The following DPP10 variants were observed in gnomAD, a reference collection of about 807,000 sequenced individuals.
The protein encoded by DPP10 is inactive dipeptidyl peptidase 10.
Under a neutral mutation model 120.9 loss-of-function variants are expected in DPP10, and 33 were observed. The ratio of observed to expected loss-of-function variants is 0.27; its 90% CI spans 0.21 to 0.37. The LOEUF is 0.37. DPP10 is among the 10% of genes least tolerant of loss of function. DPP10 has a pLI of 1.00. For missense variants in DPP10, 816 were observed against 942.8 expected, an observed-to-expected ratio of 0.87 and a Z score of 1.76; for synonymous variants, 337 against 326.1, an observed-to-expected ratio of 1.03 and a Z score of -0.36.
chr2:114,913,846 G>T (rs923523048), intron 1 of DPP10, among the ~76,000 whole-genome samples: 16 of 152,102 alleles, frequency 1.1e-4, no homozygotes, highest in Non-Finnish European at 1.9e-4. Context: ...AGCAACACAA[G>T]AGCTGAACGA....
chr2:115,715,708 C>T (rs954557550), intron 7 of DPP10, among the ~76,000 whole-genome samples: 10 of 152,220 alleles, frequency 6.6e-5, no homozygotes, highest in Non-Finnish European at 1.2e-4. Flanking sequence ...CGTGCATACC[C>T]GCACAATTGT....
intron 1 of DPP10, among the ~76,000 whole-genome samples, chr2:114,590,533 A>G (rs1451161130): frequency 6.6e-6 from 1 of 152,224 alleles, no homozygotes; most frequent in African/African-American, 2.4e-5. Flanking sequence ...CATTTTCTCA[A>G]TCACTTTCTT....
At chr2:114,460,164 G>T (rs1430728906) in intron 1 of DPP10, among the ~76,000 whole-genome samples, 1 of 146,186 alleles carries the variant, frequency 6.8e-6, no homozygotes, top group Non-Finnish European at 1.5e-5. Flanking sequence ...AATGCATTTG[G>T]GATGATATCT....
chr2:114,466,302 T>C (rs553157951), intron 1 of DPP10, among the ~76,000 whole-genome samples: 1 of 152,328 alleles, frequency 6.6e-6, no homozygotes, highest in South Asian at 2.1e-4. Flanking sequence ...ATATATGTAT[T>C]TATGTGGTTT....
chr2:115,720,764 T>A lies in DPP10; in HGVS notation c.577-7052T>A, dbSNP rs188883809. On this transcript the variant is annotated intron_variant, in intron 7 of 25. Transcript: ENST00000410059. Reference sequence around the variant, plus strand: ...AATTAAAAGACAAATATTTAGTTTATTCTAAGATGTGTTCTTAAAGACATT... The same window carrying A: ...AATTAAAAGACAAATATTTAGTTTAATCTAAGATGTGTTCTTAAAGACATT... Among the ~76,000 whole-genome samples the A allele has an allele frequency of 4.6e-5, 7 of 152,310 alleles. No individual in the cohort carries two copies. The East Asian group carries it at 1.4e-3, about 29-fold the overall frequency.
At chr2:114,887,408 C>G (rs2106625043) in intron 1 of DPP10, among the ~76,000 whole-genome samples, 1 of 152,290 alleles carries the variant, frequency 6.6e-6, no homozygotes, top group African/African-American at 2.4e-5. Flanking sequence ...CCAAAACATC[C>G]TTTGGCTGTA....
intron 3 of DPP10, among the ~76,000 whole-genome samples, chr2:115,368,272 A>G (rs968413147): frequency 2.0e-5 from 3 of 152,102 alleles, no homozygotes; most frequent in South Asian, 4.1e-4. Context: ...ACAGTGTGCC[A>G]TATTTCTCTC....
At chr2:114,649,877 G>A (rs1465066497) in intron 1 of DPP10, among the ~76,000 whole-genome samples, 1 of 151,528 alleles carries the variant, frequency 6.6e-6, no homozygotes, top group African/African-American at 2.4e-5. Flanking sequence ...ATCTGAATCT[G>A]TTTCTGGATT....
At chr2:115,228,580 T>C (rs923412374) in intron 1 of DPP10, among the ~76,000 whole-genome samples, 2 of 133,454 alleles carry the variant, frequency 1.5e-5, no homozygotes, top group African/African-American at 5.3e-5. Context: ...GTAAGCTCAA[T>C]TTTTTTTTAA....
intron 1 of DPP10, among the ~76,000 whole-genome samples, chr2:114,451,258 C>T (rs1022552181): frequency 3.9e-5 from 6 of 152,084 alleles, no homozygotes; most frequent in Non-Finnish European, 7.4e-5. Flanking sequence ...GTTGGATGAC[C>T]AGTGAGCACA....
chr2:114,768,403 C>T (rs1181765982), intron 1 of DPP10, among the ~76,000 whole-genome samples: 1 of 152,088 alleles, frequency 6.6e-6, no homozygotes, highest in Non-Finnish European at 1.5e-5. Context: ...AATAAATGAT[C>T]ACGACAACAA....
At chr2:115,284,928 A>G (rs1228669828) in intron 1 of DPP10, among the ~76,000 whole-genome samples, 2 of 152,000 alleles carry the variant, frequency 1.3e-5, no homozygotes, top group African/African-American at 2.4e-5. Flanking sequence ...CAGCTTCTTA[A>G]TGATGTTTCT....
At chr2:114,580,396 C>T (rs142198669) in intron 1 of DPP10, among the ~76,000 whole-genome samples, 5 of 152,252 alleles carry the variant, frequency 3.3e-5, no homozygotes, top group Admixed American at 6.5e-5. Flanking sequence ...ACTTTTCACT[C>T]TAGATAACTA....
chr2:115,731,208 A>T (rs953083842), intron 8 of DPP10, among the ~76,000 whole-genome samples: 8 of 152,098 alleles, frequency 5.3e-5, no homozygotes, highest in Non-Finnish European at 1.0e-4. Context: ...AAATACAAAA[A>T]TTAGCTGGGC....
chr2:114,664,989 C>A (rs577803454), intron 1 of DPP10, among the ~76,000 whole-genome samples: 44 of 147,602 alleles, frequency 3.0e-4, no homozygotes, highest in South Asian at 6.3e-4. Context: ...CAGAGAGCAT[C>A]CAAAAGATGG....
intron 3 of DPP10, among the ~76,000 whole-genome samples, chr2:115,489,613 CT>C (rs542376503): frequency 0.011 from 1,499 of 140,208 alleles, 1 homozygote; most frequent in Middle Eastern, 0.019. Flanking sequence ...AAAACTGGCG[CT>C]TTTTTTTTTT....
At chr2:115,075,985 G>A (rs1270919889) in intron 1 of DPP10, among the ~76,000 whole-genome samples, 1 of 152,026 alleles carries the variant, frequency 6.6e-6, no homozygotes, top group Non-Finnish European at 1.5e-5. Flanking sequence ...ACTCAGAATC[G>A]AAAGACGTGG....
chr2:114,718,763 G>A (rs1182241973), intron 1 of DPP10, among the ~76,000 whole-genome samples: 1 of 152,180 alleles, frequency 6.6e-6, no homozygotes, highest in Admixed American at 6.5e-5. Flanking sequence ...AGGTGAGCTA[G>A]TCATAGAATT....
chr2:114,701,523 C>T (rs1700382184), intron 1 of DPP10, among the ~76,000 whole-genome samples: 1 of 152,148 alleles, frequency 6.6e-6, no homozygotes. Context: ...TAACCATAAT[C>T]TTGCAAGGTA....
Sources: allele counts gnomAD v4.1 joint callset (sites outside exome capture counted in the v4.1 genomes callset), GRCh38; gene constraint gnomAD v4.1.1; transcripts MANE v1.5; gene names NCBI Gene and HGNC (gene_info 2026-07-23, HGNC 2026-07-21).